Variants in TICRR observed in about 807,000 individuals in gnomAD.
The protein encoded by TICRR is treslin.
A neutral mutation model predicts 178.1 loss-of-function variants in TICRR; 132 were observed. The ratio of observed to expected loss-of-function variants is 0.74; its 90% CI spans 0.64 to 0.86. The LOEUF (loss-of-function observed/expected upper bound fraction) is 0.86. Among genes scored for constraint, TICRR ranks in the 40% least tolerant of loss-of-function variants. The pLI is 0.00. For synonymous variants in TICRR, 991 were observed against 900.7 expected (o/e 1.10, Z -1.79); for missense variants, 2,587 against 2,334.3 (o/e 1.11, Z -2.23).
Position 89,624,483 on chromosome 15 carries a change from C to T in TICRR, c.4173C>T (p.Pro1391=). The change falls in exon 20 of 22, where the codon CCC becomes CCT. Residue 1391 remains proline (P), a synonymous_variant. Transcript: ENST00000268138. ...VGKRCRKTSD[P]RRSIVECQPD... is the part of the protein sequence containing the mutation. ...AACGGTGTAGAAAGACCTCTGATCC[C>T]AGAAGGAGCATCGTGGAGTGTCAGC... The T allele has an allele frequency of 3.1e-6, 5 of 1,614,136 alleles. No individual in the cohort carries two copies. The East Asian group carries it at 6.7e-5, about 22-fold the overall frequency.
Position 89,623,851 on chromosome 15 carries a change from C to G in TICRR, c.3541C>G (p.Gln1181Glu). ...SKITPQKRHT[Q>E]AGEGTSLETK... ...AATCACTCCTCAAAAACGACATACC[C>G]AGGCAGGAGAAGGTACCTCTCTTGA... Residue 1181 changes from glutamine to glutamate, a missense_variant, in exon 20 of 22, where the codon CAG becomes GAG. Physicochemically the swap from Gln to Glu is conservative, Grantham distance 29. Transcript: ENST00000268138. 1.2e-6 allele frequency: 2 copies of G among 1,613,962 alleles called. No individual in the cohort carries two copies. Among genetic ancestry groups the G allele is most frequent in the Non-Finnish European group, 1.7e-6 (2 of 1,180,032 alleles).
chr15:89,581,591 A>G (rs938315162), intron 1 of TICRR, among the ~76,000 whole-genome samples: 1 of 152,356 alleles, frequency 6.6e-6, no homozygotes, highest in Non-Finnish European at 1.5e-5. Context: ...GGGAAGCCTT[A>G]AAATATGGCA....
chr15:89,594,491 C>T lies in TICRR; in HGVS notation c.1618C>T (p.Leu540Phe), dbSNP rs746262433. 1.9e-6 allele frequency: 3 copies of T among 1,610,132 alleles called. No homozygotes were observed. Among genetic ancestry groups the T allele is most frequent in the Admixed American group, 3.4e-5 (2 of 59,634 alleles). ...EGELIHCLAE[L>F]YQRKSREEST... The stretch of plus-strand genomic sequence containing the variant: ...CGAATTAATACATTGCCTTGCCGAG[C>T]TCTACCAGAGAAAATCTCGTGAAGA... Residue 540 changes from leucine to phenylalanine, a missense_variant, in exon 6 of 22, where the codon CTC (leucine) becomes TTC (phenylalanine). Leu to Phe is a conservative substitution (Grantham distance 22). Coordinates refer to ENST00000268138, the MANE Select transcript of TICRR (RefSeq NM_152259.4).
intron 1 of TICRR, among the ~76,000 whole-genome samples, chr15:89,579,052 G>C (rs750870496): frequency 6.6e-6 from 1 of 152,118 alleles, no homozygotes; most frequent in Non-Finnish European, 1.5e-5. Flanking sequence ...GGATCCAAGC[G>C]CATAAAACAG....
At chr15:89,587,337 A>G (rs1001317292) in intron 4 of TICRR, among the ~76,000 whole-genome samples, 2 of 152,124 alleles carry the variant, frequency 1.3e-5, no homozygotes, top group Admixed American at 1.3e-4. Flanking sequence ...GGCATCAACT[A>G]TGCATGTTTG....
chr15:89,619,808 G>A lies in TICRR; in HGVS notation c.3120G>A (p.Val1040=), dbSNP rs1247583840. The part of the protein sequence containing the change: ...YSVSQPKSRS[V]QRVHSFQQDK... Reference sequence around the variant, plus strand: ...TGTCTCAGCCGAAGTCTCGAAGTGTGCAAAGAGTCCACTCTTTCCAGCAAG... The same window carrying A: ...TGTCTCAGCCGAAGTCTCGAAGTGTACAAAGAGTCCACTCTTTCCAGCAAG... The change falls in exon 18 of 22, where the codon GTG becomes GTA. Residue 1040 remains valine, a synonymous_variant. Coordinates refer to ENST00000268138, the MANE Select transcript of TICRR (RefSeq NM_152259.4). The A allele has an allele frequency of 2.5e-6, 4 of 1,613,482 alleles. No individual in the cohort carries two copies. Among genetic ancestry groups the A allele is most frequent in the Non-Finnish European group, 3.4e-6 (4 of 1,179,836 alleles).
rs201707513 is a variant in TICRR at position 89,627,480 on chromosome 15, C to T, written c.*394C>T. ...GAGCTGCTGTAAGGCTGGGCTGCTG[C>T]GACACAGGCAGCGCTTTGTAAACTG... is the stretch of plus-strand genomic sequence containing the variant. On this transcript the variant is annotated 3_prime_UTR_variant, in exon 22 of 22. Coordinates refer to ENST00000268138, the MANE Select transcript of TICRR (RefSeq NM_152259.4). 2.0e-4 allele frequency: 41 copies of T among 205,842 alleles called. No individual in the cohort carries two copies. The East Asian group carries it at 2.4e-3, about 12-fold the overall frequency. The allele number at this position is 205,842 out of a possible 1,614,324, so 12.8% of individuals were successfully genotyped here. A position where few individuals can be genotyped will look rare whatever the true frequency, so the allele number is the denominator to read the frequency against.
Position 89,625,464 on chromosome 15 carries a change from A to G in TICRR, c.5154A>G (p.Ser1718=). 1 of 1,613,950 alleles carries G rather than the reference A, an allele frequency of 6.2e-7. No individual in the cohort carries two copies. The highest frequency in any genetic ancestry group is 1.1e-5 in the South Asian group (1 of 91,076). The part of the protein sequence containing the change: ...DLPGSLSLLE[S]EGKDHGLELS... The stretch of plus-strand genomic sequence containing the variant: ...CTGGGAGCCTGTCACTGCTTGAGTC[A>G]GAGGGCAAGGACCACGGCCTTGAAC... Residue 1718 remains serine, a synonymous_variant, in exon 20 of 22, where the codon TCA becomes TCG. Transcript: ENST00000268138.
chr15:89,621,023 GTT>G (rs1263870699), intron 18 of TICRR, among the ~76,000 whole-genome samples: 1 of 144,814 alleles, frequency 6.9e-6, no homozygotes, highest in Non-Finnish European at 1.5e-5. Flanking sequence ...GCCCGGCCTT[GTT>G]TGTTTGTTTT....
intron 2 of TICRR, 141 bp from the exon 3 acceptor site, chr15:89,584,145 G>A: frequency 1.2e-6 from 1 of 810,350 alleles, no homozygotes; most frequent in Non-Finnish European, 1.9e-6. Flanking sequence ...GTTCAACTAA[G>A]TGACAGTATC....
At chr15:89,619,581 G>T in intron 17 of TICRR, 127 bp from the exon 18 acceptor site, 1 of 979,654 alleles carries the variant, frequency 1.0e-6, no homozygotes. Flanking sequence ...GTCTCTTAAA[G>T]CTAATAGCTT....
chr15:89,585,643 A>G, intron 3 of TICRR, 65 bp from the exon 4 acceptor site: 1 of 1,094,650 alleles, frequency 9.1e-7, no homozygotes, highest in East Asian at 2.4e-5. Context: ...GTCTTTTAGT[A>G]CACTACATTC....
chr15:89,624,209 T>C lies in TICRR; in HGVS notation c.3899T>C (p.Val1300Ala). The C allele has an allele frequency of 6.2e-7, 1 of 1,614,202 alleles. No individual in the cohort carries two copies. The highest frequency in any genetic ancestry group is 8.5e-7 in the Non-Finnish European group (1 of 1,180,044). Reference protein sequence around the residue: ...KTPKRPGNSTVTSSPPVTPKK... With the variant: ...KTPKRPGNSTATSSPPVTPKK... ...CCAAAAAGACCAGGGAATTCAACTG[T>C]GACTTCTTCCCCACCTGTTACGCCA... is the stretch of plus-strand genomic sequence containing the variant. The change falls in exon 20 of 22, where the codon GTG becomes GCG. Residue 1300 changes from valine to alanine, a missense_variant. Transcript: ENST00000268138.
chr15:89,593,564 G>A (rs114392166), intron 5 of TICRR, among the ~76,000 whole-genome samples: 3,542 of 152,178 alleles, frequency 0.023, 87 homozygotes, highest in African/African-American at 0.065. Context: ...AAATTAGCCC[G>A]GCGTGGTGGC....
rs1192911835 is a variant in TICRR at position 89,625,557 on chromosome 15, G to T, written c.5247G>T (p.Gln1749His). The T allele has an allele frequency of 1.2e-6, 2 of 1,613,168 alleles. No homozygotes were observed. The highest frequency in any genetic ancestry group is 2.2e-5 in the South Asian group (2 of 91,072). ...ELEGVCQLPD[Q>H]SPPRNSMPKA... ...AGGGAGTGTGCCAGCTCCCAGACCA[G>T]TCGCCTCCCAGGAACAGCATGCCTA... Residue 1749 changes from glutamine (Q) to histidine (H), a missense_variant, in exon 20 of 22, where the codon CAG becomes CAT. Coordinates refer to ENST00000268138, the MANE Select transcript of TICRR (RefSeq NM_152259.4).
intron 1 of TICRR, among the ~76,000 whole-genome samples, chr15:89,581,961 G>A (rs952458415): frequency 2.6e-5 from 4 of 152,118 alleles, no homozygotes; most frequent in African/African-American, 9.7e-5. Context: ...CACCGTCTGG[G>A]GGAGGTGCTC....
chr15:89,601,402 A>G lies in TICRR; in HGVS notation c.2247+11A>G. On this transcript the variant is annotated intron_variant, in intron 10 of 21. Coordinates refer to ENST00000268138, the MANE Select transcript of TICRR (RefSeq NM_152259.4). ...CAAGTAGTGGAGGAGGCAAGTATAT[A>G]GTTTCGTGCCATTGAAATACGCCCT... 6.2e-7 allele frequency: 1 copy of G among 1,613,782 alleles called. No individual in the cohort carries two copies. The highest frequency in any genetic ancestry group is 8.5e-7 in the Non-Finnish European group (1 of 1,179,694).
chr15:89,589,621 A>C (rs748849526), intron 4 of TICRR, among the ~76,000 whole-genome samples: 1 of 152,212 alleles, frequency 6.6e-6, no homozygotes, highest in Non-Finnish European at 1.5e-5. Flanking sequence ...AAATCATGTC[A>C]TGTTTATTCT....
At position 89,591,177 on chromosome 15, in the gene TICRR, G is replaced by GT. The variant is rs1962905580; in HGVS notation, c.1412-869dup. Among the ~76,000 whole-genome samples the GT allele has an allele frequency of 2.0e-5, 3 of 152,212 alleles. No homozygotes were observed. The South Asian group carries it at 6.2e-4, about 31-fold the overall frequency. On this transcript the variant is annotated intron_variant, in intron 4 of 21. Coordinates refer to ENST00000268138, the MANE Select transcript of TICRR (RefSeq NM_152259.4). The stretch of plus-strand genomic sequence containing the variant: ...TCTCGCTCTTGTCACCCAGGCTGGA[G>GT]TGCAGTGGCGTGATCTCGGCTCACT...
Sources: gnomAD v4.1 joint callset for allele counts (sites outside exome capture counted in the v4.1 genomes callset) on GRCh38, gnomAD v4.1.1 for gene constraint, MANE v1.5 for transcripts, NCBI Gene and HGNC (gene_info 2026-07-23, HGNC 2026-07-21) for gene names.